Variants in AHCTF1 observed in about 807,000 individuals in gnomAD.
AHCTF1 encodes protein ELYS.
Under a neutral mutation model 248.4 loss-of-function variants are expected in AHCTF1, and 24 were observed. The observed-to-expected ratio is 0.10, with a 90% CI of 0.07 to 0.14. The LOEUF (loss-of-function observed/expected upper bound fraction) is 0.14, where lower values mean the gene tolerates loss of function less well. Among genes scored for constraint, AHCTF1 ranks in the 10% least tolerant of loss-of-function variants. AHCTF1 has a pLI of 1.00. For missense variants in AHCTF1, 2,206 were observed against 2,636.2 expected (o/e 0.84, Z 3.57); for synonymous variants, 786 against 929.8 (o/e 0.85, Z 2.81).
intron 1 of AHCTF1, among the ~76,000 whole-genome samples, chr1:246,919,966 C>T (rs1167595188): frequency 6.6e-6 from 1 of 151,192 alleles, no homozygotes; most frequent in Non-Finnish European, 1.5e-5. Flanking sequence ...TGGTGAAAAC[C>T]TGTCTCTACT....
chr1:246,863,067 T>C (rs1035593956), intron 27 of AHCTF1, among the ~76,000 whole-genome samples: 1 of 152,212 alleles, frequency 6.6e-6, no homozygotes, highest in African/African-American at 2.4e-5. Context: ...TCCAATTTCA[T>C]TTCATTTGAA....
intron 13 of AHCTF1, among the ~76,000 whole-genome samples, 188 bp from the exon 14 acceptor site, chr1:246,894,936 G>C (rs1664466023): frequency 6.6e-6 from 1 of 151,806 alleles, no homozygotes. Flanking sequence ...AGGTAATGCT[G>C]CCGCCAAAAA....
intron 4 of AHCTF1, among the ~76,000 whole-genome samples, chr1:246,911,601 A>G (rs1665809847): frequency 6.7e-6 from 1 of 148,218 alleles, no homozygotes; most frequent in Non-Finnish European, 1.5e-5. Flanking sequence ...CTCCTGCCTC[A>G]GCCTCCTGAG....
chr1:246,864,348 G>A (rs10802451), intron 26 of AHCTF1: 87,872 of 414,684 alleles, frequency 0.21, 10,173 homozygotes, highest in Admixed American at 0.29. Context: ...AAGAGTTTGC[G>A]TCGTCCTCCT....
At chr1:246,901,008 T>C (rs1157217277) in intron 8 of AHCTF1, among the ~76,000 whole-genome samples, 1 of 152,104 alleles carries the variant, frequency 6.6e-6, no homozygotes, top group Non-Finnish European at 1.5e-5. Flanking sequence ...AGTAAAAATC[T>C]GAAACACTAC....
chr1:246,895,703 C>G, intron 13 of AHCTF1, 132 bp downstream of exon 13: 1 of 719,302 alleles, frequency 1.4e-6, no homozygotes, highest in Non-Finnish European at 2.3e-6. Flanking sequence ...TGGGATCTCT[C>G]TATTGCATCT....
chr1:246,914,556 T>C (rs112922854), intron 3 of AHCTF1, among the ~76,000 whole-genome samples: 111 of 152,330 alleles, frequency 7.3e-4, no homozygotes, highest in African/African-American at 2.5e-3. Flanking sequence ...TACTAAAGCA[T>C]ATTCAATTCC....
intron 24 of AHCTF1, among the ~76,000 whole-genome samples, chr1:246,869,521 G>C (rs1427558856): frequency 6.6e-6 from 1 of 152,176 alleles, no homozygotes; most frequent in Non-Finnish European, 1.5e-5. Context: ...GGGTGACTCT[G>C]CTGTTAGTGG....
chr1:246,878,928 G>A (rs182595360), intron 21 of AHCTF1, among the ~76,000 whole-genome samples: 2 of 152,292 alleles, frequency 1.3e-5, no homozygotes, highest in Admixed American at 6.5e-5. Flanking sequence ...TGTAACTTGG[G>A]TGTAGAAGAG....
Position 246,898,263 on chromosome 1 carries a change from A to G in AHCTF1, c.1568T>C (p.Val523Ala). ...AAATCTTGGGGAAAGAAGGCCAGCT[A>G]CAAGACATCGATTATAACCATCAGG... is the stretch of plus-strand genomic sequence containing the variant. ...LIPDGYNRCL[V>A]AGLLSPRFVD... is the part of the protein sequence containing the mutation. The change falls in exon 12 of 36, where the codon GTA becomes GCA. Residue 523 changes from valine to alanine, a missense_variant. By Grantham distance (64) the Val-to-Ala change is moderately conservative (BLOSUM62 0). Around this residue, in one of 6 missense-constraint regions of AHCTF1, gnomAD observed 650 missense variants for 870.8 expected, o/e 0.75. Coordinates refer to ENST00000648844, the MANE Select transcript of AHCTF1 (RefSeq NM_001323342.2). The G allele has an allele frequency of 6.2e-7, 1 of 1,612,638 alleles. No homozygotes were observed. Among genetic ancestry groups the G allele is most frequent in the Non-Finnish European group, 8.5e-7 (1 of 1,179,982 alleles).
intron 1 of AHCTF1, among the ~76,000 whole-genome samples, chr1:246,927,723 G>A (rs1435330418): frequency 3.3e-5 from 5 of 152,246 alleles, no homozygotes; most frequent in Non-Finnish European, 7.3e-5. Flanking sequence ...TACTGTTCAT[G>A]GCCGGGCGCG....
In AHCTF1 at chr1:246,861,996, A is replaced by G; in HGVS notation, c.3698T>C (p.Phe1233Ser). The change falls in exon 28 of 36, where the codon TTT becomes TCT. Residue 1233 changes from phenylalanine (F) to serine (S), a missense_variant. Physicochemically the swap from Phe to Ser is radical, Grantham distance 155 (BLOSUM62 -2). Transcript: ENST00000648844. Reference protein sequence around the residue: ...PQRLKETRISFVEEDVHPKWI... With the variant: ...PQRLKETRISSVEEDVHPKWI... ...TTTTGGGTGGACATCTTCTTCCACA[A>G]ATGAAATTCTAGTTTCTTTAAGTCG... 5.0e-6 allele frequency: 8 copies of G among 1,612,796 alleles called. No homozygotes were observed. Among genetic ancestry groups the G allele is most frequent in the Non-Finnish European group, 6.8e-6 (8 of 1,179,624 alleles).
intron 21 of AHCTF1, among the ~76,000 whole-genome samples, chr1:246,884,554 G>A (rs1663679375): frequency 6.6e-6 from 1 of 152,154 alleles, no homozygotes; most frequent in South Asian, 2.1e-4. Context: ...AGTCTAGTAA[G>A]GAATTTCAGC....
chr1:246,851,121 T>C lies in AHCTF1; in HGVS notation c.4885A>G (p.Ser1629Gly), dbSNP rs149219566. The part of the protein sequence containing the change: ...NTATEEKLVC[S>G]GENDNHGQIA... ...TGTCCATGATTATCATTTTCCCCAC[T>C]GCATACAAGTTTTTCTTCAGTTGCT... The change falls in exon 33 of 36, where the codon AGT becomes GGT. Residue 1629 changes from serine (S) to glycine (G), a missense_variant. Ser to Gly is a moderately conservative substitution (Grantham distance 56). This residue lies in a region of AHCTF1 where 955 missense variants were observed against 1,055.6 expected (regional missense o/e 0.90). Coordinates refer to ENST00000648844, the MANE Select transcript of AHCTF1 (RefSeq NM_001323342.2). 2.6e-4 allele frequency: 415 copies of C among 1,613,938 alleles called. 1 individual carries two copies. The highest frequency in any genetic ancestry group is 3.8e-4 in the Admixed American group (23 of 60,010).
At chr1:246,891,171 C>A in intron 15 of AHCTF1, 111 bp from the exon 16 acceptor site, 1 of 603,172 alleles carries the variant, frequency 1.7e-6, no homozygotes, top group South Asian at 2.9e-5. Context: ...ATATATTTTA[C>A]ATATACATAT....
Position 246,918,373 on chromosome 1 carries a change from T to G in AHCTF1, c.-3A>C. ...ACTTGAGCTCTTAAGTCTCGCATAC[T>G]TCCACTGTAAATATTTTTAAAAGAA... On this transcript the variant is annotated 5_prime_UTR_variant, in exon 2 of 36. Coordinates refer to ENST00000648844, the MANE Select transcript of AHCTF1 (RefSeq NM_001323342.2). The G allele has an allele frequency of 1.2e-6, 2 of 1,606,608 alleles. No individual in the cohort carries two copies. The highest frequency in any genetic ancestry group is 1.7e-6 in the Non-Finnish European group (2 of 1,176,794).
intron 28 of AHCTF1, 90 bp from the exon 29 acceptor site, chr1:246,861,385 T>C (rs1373554931): frequency 5.0e-6 from 6 of 1,195,932 alleles, no homozygotes; most frequent in Non-Finnish European, 6.9e-6. Flanking sequence ...TACCCATACT[T>C]TCTTTGTTGT....
intron 24 of AHCTF1, among the ~76,000 whole-genome samples, chr1:246,873,220 C>A (rs1662720370): frequency 6.6e-6 from 1 of 152,162 alleles, no homozygotes; most frequent in Admixed American, 6.5e-5. Context: ...ATAGAACTCT[C>A]TATACTCATT....
intron 33 of AHCTF1, among the ~76,000 whole-genome samples, chr1:246,847,542 G>A (rs1160189613): frequency 3.9e-5 from 6 of 152,136 alleles, no homozygotes; most frequent in Non-Finnish European, 7.3e-5. Context: ...CTGTTGCCCA[G>A]GCTGGAGTGC....
Sources: allele counts gnomAD v4.1 joint callset (sites outside exome capture counted in the v4.1 genomes callset), GRCh38; gene constraint gnomAD v4.1.1; regional missense constraint gnomAD v4.1.1; transcripts MANE v1.5; gene names NCBI Gene and HGNC (gene_info 2026-07-23, HGNC 2026-07-21).